Variants in SLC25A16 observed in about 807,000 individuals in gnomAD.
The protein encoded by SLC25A16 is solute carrier family 25 member 16.
A neutral mutation model predicts 41.5 loss-of-function variants in SLC25A16; 39 were observed. That is an observed-to-expected ratio of 0.94 (90% CI 0.73 to 1.23). The LOEUF is 1.23. Among genes scored for constraint, SLC25A16 ranks in the 50% most tolerant of loss-of-function variants. The probability of loss-of-function intolerance (pLI) is 0.00; values close to 1 mark genes in which losing one functional copy is unlikely to be tolerated. For synonymous variants in SLC25A16, 146 were observed against 147.8 expected (o/e 0.99, Z 0.09); for missense variants, 421 against 426.9 (o/e 0.99, Z 0.12).
intron 6 of SLC25A16, among the ~76,000 whole-genome samples, chr10:68,489,454 G>A (rs2052620609): frequency 6.6e-6 from 1 of 152,144 alleles, no homozygotes; most frequent in Admixed American, 6.6e-5. Flanking sequence ...GATAAAAATA[G>A]TATGCAGGTA....
At chr10:68,498,325 T>C (rs1185000527) in intron 4 of SLC25A16, among the ~76,000 whole-genome samples, 1 of 147,116 alleles carries the variant, frequency 6.8e-6, no homozygotes, top group Non-Finnish European at 1.5e-5. Flanking sequence ...AACTTTTTCT[T>C]TTTTTTTTTT....
chr10:68,491,845 T>C (rs1276027856), intron 6 of SLC25A16, among the ~76,000 whole-genome samples: 2 of 152,136 alleles, frequency 1.3e-5, no homozygotes, highest in East Asian at 3.9e-4. Context: ...CTGATTGATT[T>C]AGAAATGGAG....
In SLC25A16 at chr10:68,493,119, AT is replaced by A; in HGVS notation, c.610+12del. 6.5e-7 allele frequency: 1 copy of A among 1,540,370 alleles called. No individual in the cohort carries two copies. Among genetic ancestry groups the A allele is most frequent in the Non-Finnish European group, 8.8e-7 (1 of 1,136,598 alleles). On this transcript the variant is annotated intron_variant, in intron 6 of 8. Coordinates refer to ENST00000609923, the MANE Select transcript of SLC25A16 (RefSeq NM_152707.4). ...AACATGCATATTAGGATTCTGGCAA[AT>A]TTGAAACATACCTGCATATGGAGCC...
At chr10:68,508,659 A>T (rs560750290) in intron 2 of SLC25A16, among the ~76,000 whole-genome samples, 39 of 152,220 alleles carry the variant, frequency 2.6e-4, no homozygotes, top group Non-Finnish European at 4.3e-4. Flanking sequence ...CGGAGGTTGC[A>T]GTGAGCCGAG....
chr10:68,519,487 A>C (rs76134789), intron 1 of SLC25A16, among the ~76,000 whole-genome samples: 1 of 133,936 alleles, frequency 7.5e-6, no homozygotes, highest in Non-Finnish European at 1.6e-5. Flanking sequence ...CTCCATCTCA[A>C]AAAAAAAAAA....
chr10:68,508,376 T>C (rs183787066), intron 2 of SLC25A16, among the ~76,000 whole-genome samples: 125 of 132,876 alleles, frequency 9.4e-4, no homozygotes, highest in Middle Eastern at 4.4e-3. Context: ...GGATACAAAA[T>C]GTGGATAGGA....
At chr10:68,512,310 T>C (rs2053077245) in intron 2 of SLC25A16, among the ~76,000 whole-genome samples, 1 of 152,082 alleles carries the variant, frequency 6.6e-6, no homozygotes, top group Non-Finnish European at 1.5e-5. Flanking sequence ...AATACATAAA[T>C]ACATAAATTA....
chr10:68,501,513 T>C (rs879534359), intron 4 of SLC25A16, among the ~76,000 whole-genome samples: 1 of 101,364 alleles, frequency 9.9e-6, no homozygotes, highest in Non-Finnish European at 2.0e-5. Context: ...AAAAGGAAAG[T>C]GAGAAAAAGG....
chr10:68,494,806 G>T (rs796566186), intron 4 of SLC25A16, among the ~76,000 whole-genome samples: 14 of 151,886 alleles, frequency 9.2e-5, no homozygotes, highest in African/African-American at 3.4e-4. Flanking sequence ...GAACCCTCAG[G>T]AGGCGGAGGT....
intron 2 of SLC25A16, among the ~76,000 whole-genome samples, chr10:68,512,825 G>T (rs2053090301): frequency 6.6e-6 from 1 of 151,882 alleles, no homozygotes; most frequent in South Asian, 2.1e-4. Flanking sequence ...ATCAACTGAG[G>T]TCAGGAGTTC....
Position 68,506,587 on chromosome 10 carries a change from T to G in SLC25A16, c.355A>C (p.Thr119Pro), listed in dbSNP as rs2052958675. 6.3e-7 allele frequency: 1 copy of G among 1,575,780 alleles called. No homozygotes were observed. The highest frequency in any genetic ancestry group is 1.9e-5 in the Admixed American group (1 of 52,956). ...AGAAAAGATCAAAGTTTAACTACCG[T>G]TTTATAATGCTCAAATGCCATAAAC... is the stretch of plus-strand genomic sequence containing the variant. ...IQFMAFEHYK[T>P]LITTKLGISG... is the part of the protein sequence containing the mutation. Residue 119 changes from threonine to proline, a missense_variant and splice_region_variant, in exon 3 of 9, where the codon ACG (threonine) becomes CCG (proline). By Grantham distance (38) the Thr-to-Pro change is conservative. Coordinates refer to ENST00000609923, the MANE Select transcript of SLC25A16 (RefSeq NM_152707.4).
At chr10:68,527,111 G>A in intron 1 of SLC25A16, 135 bp downstream of exon 1, 2 of 918,694 alleles carry the variant, frequency 2.2e-6, no homozygotes, top group Admixed American at 3.2e-5. Context: ...GTTACAGCAG[G>A]TCAGGGCAGA....
intron 1 of SLC25A16, among the ~76,000 whole-genome samples, chr10:68,522,554 G>A (rs572850523): frequency 3.2e-4 from 49 of 152,252 alleles, no homozygotes; most frequent in African/African-American, 9.6e-4. Context: ...GGTGGCTCAT[G>A]CCTGTAATCC....
At chr10:68,514,703 T>G (rs1217726034) in intron 2 of SLC25A16, among the ~76,000 whole-genome samples, 1 of 152,122 alleles carries the variant, frequency 6.6e-6, no homozygotes, top group Non-Finnish European at 1.5e-5. Flanking sequence ...AGTGTCCATG[T>G]TAATCAAATG....
intron 2 of SLC25A16, among the ~76,000 whole-genome samples, chr10:68,512,133 T>C (rs1473671827): frequency 6.6e-6 from 1 of 152,152 alleles, no homozygotes; most frequent in Non-Finnish European, 1.5e-5. Context: ...GAAGAATTCA[T>C]TGCAGAGGCA....
chr10:68,495,794 A>AAAG lies in SLC25A16; in HGVS notation c.422-2225_422-2224insCTT, dbSNP rs1201668325. Among the ~76,000 whole-genome samples the AAAG allele has an allele frequency of 1.7e-4, 25 of 151,512 alleles. 1 individual carries two copies. The highest frequency in any genetic ancestry group is 1.0e-4 in the Non-Finnish European group (7 of 67,874). ...TAGACTATGTCTCAAAAAAAAAAAA[A>AAAG]AAAAAAAGAGAAAAGAGTATAAACT... On this transcript the variant is annotated intron_variant, in intron 4 of 8. Transcript: ENST00000609923.
chr10:68,498,669 T>A (rs909808586), intron 4 of SLC25A16, among the ~76,000 whole-genome samples: 75 of 152,138 alleles, frequency 4.9e-4, no homozygotes, highest in African/African-American at 1.7e-3. Context: ...CACTCCAGCC[T>A]GGGCAACAGA....
At chr10:68,494,139 C>T (rs2052708103) in intron 4 of SLC25A16, among the ~76,000 whole-genome samples, 2 of 152,100 alleles carry the variant, frequency 1.3e-5, no homozygotes, top group African/African-American at 4.8e-5. Context: ...ATTCCTTTTC[C>T]CATGTTCCGA....
intron 4 of SLC25A16, among the ~76,000 whole-genome samples, chr10:68,496,134 C>G (rs559231355): frequency 6.6e-6 from 1 of 152,150 alleles, no homozygotes; most frequent in African/African-American, 2.4e-5. Flanking sequence ...CCCTTGCCCC[C>G]CATCTGTCTC....
Sources: allele counts gnomAD v4.1 joint callset (sites outside exome capture counted in the v4.1 genomes callset), GRCh38; gene constraint gnomAD v4.1.1; transcripts MANE v1.5; gene names NCBI Gene and HGNC (gene_info 2026-07-23, HGNC 2026-07-21).